ZBTB34: variants seen among roughly 807,000 people sequenced by gnomAD.
The protein encoded by ZBTB34 is zinc finger and BTB domain-containing protein 34.
A neutral mutation model predicts 33.4 loss-of-function variants in ZBTB34; 1 was observed. The observed-to-expected ratio is 0.03, with a 90% CI of 0.01 to 0.14. ZBTB34 has a LOEUF of 0.14. Ranked by LOEUF, ZBTB34 falls within the 10% of genes least tolerant of loss-of-function variation. The probability of loss-of-function intolerance (pLI) is 1.00; values close to 1 mark genes in which losing one functional copy is unlikely to be tolerated. For synonymous variants in ZBTB34, 283 were observed against 253.5 expected, an observed-to-expected ratio of 1.12 and a Z score of -1.11; for missense variants, 406 against 657.2, an observed-to-expected ratio of 0.62 and a Z score of 4.18.
intron 1 of ZBTB34, among the ~76,000 whole-genome samples, chr9:126,878,721 G>GTTTTTT (rs1564225411): frequency 6.8e-6 from 1 of 146,928 alleles, no homozygotes. Flanking sequence ...TTTTGTTTTT[G>GTTTTTT]TTTTGTTTTT....
intron 1 of ZBTB34, among the ~76,000 whole-genome samples, chr9:126,873,506 C>T (rs201105431): frequency 9.9e-5 from 15 of 152,172 alleles, no homozygotes; most frequent in Admixed American, 6.5e-5. Flanking sequence ...TCAAACGATA[C>T]GCCTAACTCG....
intron 1 of ZBTB34, among the ~76,000 whole-genome samples, chr9:126,863,022 G>T (rs1336766155): frequency 6.6e-6 from 1 of 151,876 alleles, no homozygotes; most frequent in African/African-American, 2.4e-5. Flanking sequence ...GCTCTCTTAG[G>T]GTGCAGAAAG....
At chr9:126,861,185 C>T (rs1003954809) in intron 1 of ZBTB34, among the ~76,000 whole-genome samples, 2 of 152,166 alleles carry the variant, frequency 1.3e-5, no homozygotes, top group Admixed American at 6.5e-5. Context: ...AGGGGTCGGC[C>T]CTTCGGGTGG....
intron 1 of ZBTB34, among the ~76,000 whole-genome samples, chr9:126,865,208 G>A (rs572023160): frequency 3.9e-5 from 6 of 152,342 alleles, no homozygotes; most frequent in Admixed American, 6.5e-5. Context: ...AGACGATCCC[G>A]CATCTCTGGG....
chr9:126,876,151 T>TCCC (rs2033353647), intron 1 of ZBTB34, among the ~76,000 whole-genome samples: 1 of 102,326 alleles, frequency 9.8e-6, no homozygotes, highest in East Asian at 3.3e-4. Context: ...TTTTTTTTTT[T>TCCC]TCCCTTCCGT....
At position 126,879,444 on chromosome 9, in the gene ZBTB34, G is replaced by A. The variant is rs778512247; in HGVS notation, c.45G>A (p.Val15=). 2 of 1,613,668 alleles carry A rather than the reference G, an allele frequency of 1.2e-6. No individual in the cohort carries two copies. The highest frequency in any genetic ancestry group is 1.7e-4 in the Middle Eastern group (1 of 6,060). ...GCAGCAGTTTTATTCAGTTTGATGTGCCCGAGTACAGCAGCACCGTTCTGA... is the reference window on the plus strand; with the variant it reads ...GCAGCAGTTTTATTCAGTTTGATGTACCCGAGTACAGCAGCACCGTTCTGA... Residue 15 remains valine, a synonymous_variant, in exon 2 of 2, where the codon GTG becomes GTA. Transcript: ENST00000319119. This position sits in a 1 kb window ranked among gnomAD's most constrained non-coding sequence, Gnocchi z 6.4.
chr9:126,873,501 C>T (rs548320782), intron 1 of ZBTB34, among the ~76,000 whole-genome samples: 49 of 152,164 alleles, frequency 3.2e-4, no homozygotes, highest in African/African-American at 1.1e-3. Context: ...TGAGCTCAAA[C>T]GATACGCCTA....
chr9:126,874,182 C>A (rs1588388980), intron 1 of ZBTB34, among the ~76,000 whole-genome samples: 1 of 150,460 alleles, frequency 6.6e-6, no homozygotes, highest in East Asian at 2.0e-4. Flanking sequence ...GCTGGGACTA[C>A]AGGCGCCCGC....
intron 1 of ZBTB34, among the ~76,000 whole-genome samples, chr9:126,862,547 G>GTT (rs1470944701): frequency 2.0e-5 from 3 of 152,198 alleles, no homozygotes; most frequent in South Asian, 2.1e-4. Context: ...AACTGAGTTA[G>GTT]TTACGGCTTC....
At chr9:126,884,037 T>G (rs185431624) in exon 2 of ZBTB34, 92 of 167,202 alleles carry the variant, frequency 5.5e-4, no homozygotes, top group Non-Finnish European at 1.8e-4. Context: ...CTGTACAGTT[T>G]TAGGTTAGGT....
chr9:126,882,971 C>T (rs1176155497), exon 2 of ZBTB34: 3 of 166,968 alleles, frequency 1.8e-5, no homozygotes, highest in Non-Finnish European at 2.9e-5. Context: ...CCCGCTGCTC[C>T]CGAGGAGCGG....
rs577895708 is a variant in ZBTB34, at chr9:126,883,615, A to C, written c.*2701A>C. The stretch of plus-strand genomic sequence containing the variant: ...AGAAAATTGATTGAGTTTCTCTCTA[A>C]GAATCATGATTCCACATTTTGCAAG... On this transcript the variant is annotated 3_prime_UTR_variant, in exon 2 of 2. Transcript: ENST00000319119. 7 of 167,248 alleles carry C rather than the reference A, an allele frequency of 4.2e-5. No individual in the cohort carries two copies. The South Asian group carries it at 1.4e-3, about 35-fold the overall frequency. The allele number at this position is 167,248 out of a possible 1,614,324, so 10.4% of individuals were successfully genotyped here.
intron 1 of ZBTB34, among the ~76,000 whole-genome samples, chr9:126,862,931 G>C (rs1483460845): frequency 6.6e-6 from 1 of 151,048 alleles, no homozygotes; most frequent in Admixed American, 6.6e-5. Context: ...TTTTTTTTAA[G>C]GAGAATCTGT....
intron 1 of ZBTB34, among the ~76,000 whole-genome samples, chr9:126,869,751 T>C (rs963968603): frequency 6.6e-6 from 1 of 152,212 alleles, no homozygotes; most frequent in African/African-American, 2.4e-5. Context: ...ATTCTCTTTC[T>C]TTGTAAGAAA....
In ZBTB34 at chr9:126,878,418, C is replaced by T. The variant is rs1248753918; in HGVS notation, c.-10-972C>T. ...CTAGGAGGCGGAGGTTTCAGTGAGC[C>T]GAGATCACGCCACTGCACTCCAGCC... On this transcript the variant is annotated intron_variant, in intron 1 of 1. Coordinates refer to ENST00000319119, the Ensembl canonical transcript of ZBTB34. 3.3e-5 allele frequency among the ~76,000 whole-genome samples: 5 copies of T among 151,302 alleles called. No individual in the cohort carries two copies. The East Asian group carries it at 5.8e-4, about 18-fold the overall frequency.
intron 1 of ZBTB34, among the ~76,000 whole-genome samples, chr9:126,874,263 G>GA (rs1210958690): frequency 6.7e-6 from 1 of 149,688 alleles, no homozygotes; most frequent in South Asian, 2.1e-4. Context: ...TGTTCGCCAG[G>GA]ATGGTCTCAA....
Position 126,880,377 on chromosome 9 carries a change from G to A in ZBTB34, c.978G>A (p.Gln326=), listed in dbSNP as rs1564226461. ...GTTTCCGAGGAGGGCGTGCCCGCCA[G>A]AAGCGGGCTTTGTCTGTCCACCTGC... is the stretch of plus-strand genomic sequence containing the variant. Residue 326 remains glutamine, a synonymous_variant, in exon 2 of 2, where the codon CAG becomes CAA. Coordinates refer to ENST00000319119, the Ensembl canonical transcript of ZBTB34. The surrounding 1 kb of genome is among the most constrained non-coding windows in gnomAD (Gnocchi z 6.7). 2 of 1,613,702 alleles carry A rather than the reference G, an allele frequency of 1.2e-6. No individual in the cohort carries two copies. The highest frequency in any genetic ancestry group is 2.2e-5 in the East Asian group (1 of 44,886).
At chr9:126,884,320 A>G (rs2033489983) in exon 2 of ZBTB34, 1 of 167,050 alleles carries the variant, frequency 6.0e-6, no homozygotes, top group Non-Finnish European at 1.5e-5. Flanking sequence ...TCAGTTCTCT[A>G]CCCTCTAATT....
intron 1 of ZBTB34, among the ~76,000 whole-genome samples, chr9:126,876,994 A>T (rs1257941920): frequency 2.0e-5 from 3 of 152,150 alleles, no homozygotes; most frequent in Non-Finnish European, 4.4e-5. Context: ...AAATTTAAAA[A>T]TTCCGTCTGT....
Sources: gnomAD v4.1 joint callset for allele counts (sites outside exome capture counted in the v4.1 genomes callset) on GRCh38, gnomAD v4.1.1 for gene constraint, Gnocchi (gnomAD v3.1) non-coding constraint, MANE v1.5 for transcripts, NCBI Gene and HGNC (gene_info 2026-07-23, HGNC 2026-07-21) for gene names.